ITGA9: variants seen among roughly 807,000 people sequenced by gnomAD.
The protein encoded by ITGA9 is integrin subunit alpha 9.
ITGA9 carries 56 observed loss-of-function variants against 127.8 expected under a neutral mutation model. That is an observed-to-expected ratio of 0.44 (90% confidence interval 0.35 to 0.55). The LOEUF (loss-of-function observed/expected upper bound fraction) is 0.55, where lower values mean the gene tolerates loss of function less well. Among genes scored for constraint, ITGA9 ranks in the 20% least tolerant of loss-of-function variants. ITGA9 has a pLI of 0.00. For synonymous variants in ITGA9, 508 were observed against 514.5 expected (o/e 0.99, Z 0.17); for missense variants, 1,196 against 1,347.1 (o/e 0.89, Z 1.76).
intron 18 of ITGA9, among the ~76,000 whole-genome samples, chr3:37,728,430 C>T (rs1007572856): frequency 6.6e-6 from 1 of 151,982 alleles, no homozygotes; most frequent in Non-Finnish European, 1.5e-5. Context: ...AAAGAATTAC[C>T]TTGTGGGTAT....
chr3:37,777,059 G>A (rs1043269529), intron 23 of ITGA9, among the ~76,000 whole-genome samples: 1 of 152,200 alleles, frequency 6.6e-6, no homozygotes, highest in Non-Finnish European at 1.5e-5. Context: ...AGAATTGCTT[G>A]TAAGGATGTT....
Position 37,690,986 on chromosome 3 carries a change from G to A in ITGA9, c.2067+6971G>A, listed in dbSNP as rs541167897. Among the ~76,000 whole-genome samples, 3 of 152,288 alleles carry A rather than the reference G, an allele frequency of 2.0e-5. No homozygotes were observed. The East Asian group carries it at 5.8e-4, about 29-fold the overall frequency. Reference sequence around the variant, plus strand: ...AACACTAGGAAGAGTAAGGGAGCTGGGGGTTTTATACTCCTTTCCCCAAGT... The same window carrying A: ...AACACTAGGAAGAGTAAGGGAGCTGAGGGTTTTATACTCCTTTCCCCAAGT... On this transcript the variant is annotated intron_variant, in intron 18 of 27. Coordinates refer to ENST00000264741, the MANE Select transcript of ITGA9 (RefSeq NM_002207.3).
At chr3:37,732,505 G>A (rs1196653902) in intron 18 of ITGA9, among the ~76,000 whole-genome samples, 4 of 152,210 alleles carry the variant, frequency 2.6e-5, no homozygotes, top group Admixed American at 2.6e-4. Flanking sequence ...ATGAAGAGTG[G>A]TTTTGTCCTC....
intron 15 of ITGA9, among the ~76,000 whole-genome samples, chr3:37,599,432 A>T (rs1699897312): frequency 6.6e-6 from 1 of 152,192 alleles, no homozygotes; most frequent in African/African-American, 2.4e-5. Flanking sequence ...TTACATGGTT[A>T]GGAGGTTCTA....
intron 23 of ITGA9, among the ~76,000 whole-genome samples, chr3:37,751,280 C>A (rs1696582630): frequency 6.6e-6 from 1 of 152,212 alleles, no homozygotes; most frequent in Non-Finnish European, 1.5e-5. Context: ...TGTCTTTGGG[C>A]TCTGCTGACC....
At chr3:37,654,592 A>G (rs962119180) in intron 17 of ITGA9, among the ~76,000 whole-genome samples, 9 of 152,116 alleles carry the variant, frequency 5.9e-5, no homozygotes, top group African/African-American at 2.2e-4. Context: ...TTTGGTAGTT[A>G]TTTTTCAAAA....
chr3:37,663,967 A>T (rs1203984356), intron 17 of ITGA9, among the ~76,000 whole-genome samples: 1 of 152,242 alleles, frequency 6.6e-6, no homozygotes, highest in Non-Finnish European at 1.5e-5. Flanking sequence ...GAAAACTAGC[A>T]TTATTATTTC....
intron 15 of ITGA9, among the ~76,000 whole-genome samples, chr3:37,547,547 A>C (rs267534): frequency 0.47 from 71,457 of 151,464 alleles, 17,334 homozygotes; most frequent in East Asian, 0.73. Flanking sequence ...GGTGATCAAA[A>C]CTTTTTTTTT....
chr3:37,626,183 A>G (rs889148704), intron 15 of ITGA9, among the ~76,000 whole-genome samples: 1 of 152,114 alleles, frequency 6.6e-6, no homozygotes, highest in Non-Finnish European at 1.5e-5. Flanking sequence ...CCCTCACCCT[A>G]TATGCTGTTA....
intron 27 of ITGA9, among the ~76,000 whole-genome samples, chr3:37,811,481 G>A (rs183040455): frequency 6.6e-6 from 1 of 152,272 alleles, no homozygotes; most frequent in East Asian, 1.9e-4. Context: ...AGATGATGGG[G>A]TGTTTCTCCT....
At chr3:37,551,679 A>G (rs1699379589) in intron 15 of ITGA9, among the ~76,000 whole-genome samples, 1 of 152,186 alleles carries the variant, frequency 6.6e-6, no homozygotes, top group Admixed American at 6.5e-5. Context: ...TGGGATCCAC[A>G]TGGCTCAAGG....
chr3:37,584,697 GTGAGCCAAGAC>G (rs1699741316), intron 15 of ITGA9, among the ~76,000 whole-genome samples: 1 of 152,128 alleles, frequency 6.6e-6, no homozygotes, highest in Admixed American at 6.5e-5. Context: ...GGAGGTTGCA[GTGAGCCAAGAC>G]TGCGCCACTG....
At chr3:37,747,424 A>G (rs1575218649) in intron 22 of ITGA9, among the ~76,000 whole-genome samples, 1 of 152,264 alleles carries the variant, frequency 6.6e-6, no homozygotes, top group East Asian at 1.9e-4. Context: ...AGTTACTTTA[A>G]AATGTACTAT....
At chr3:37,551,454 A>C (rs372988470) in intron 15 of ITGA9, among the ~76,000 whole-genome samples, 8 of 148,736 alleles carry the variant, frequency 5.4e-5, no homozygotes, top group African/African-American at 2.1e-4. Flanking sequence ...ATTAGTACAG[A>C]GTGAACTAGC....
intron 3 of ITGA9, among the ~76,000 whole-genome samples, chr3:37,475,328 G>A (rs1229001387): frequency 3.3e-5 from 5 of 152,212 alleles, no homozygotes; most frequent in African/African-American, 9.7e-5. Context: ...TAAGGGCATC[G>A]AGCCTAGAGT....
chr3:37,773,661 G>GA (rs1696870963), intron 23 of ITGA9, among the ~76,000 whole-genome samples: 1 of 152,080 alleles, frequency 6.6e-6, no homozygotes. Context: ...TGGGCAGTGG[G>GA]AATTGACTGG....
intron 5 of ITGA9, among the ~76,000 whole-genome samples, chr3:37,502,832 C>A (rs1223697570): frequency 1.3e-5 from 2 of 152,164 alleles, no homozygotes; most frequent in Non-Finnish European, 2.9e-5. Context: ...TCCCCAGAAT[C>A]TGTGGTTGAG....
intron 27 of ITGA9, among the ~76,000 whole-genome samples, chr3:37,813,089 C>A (rs921282520): frequency 6.6e-5 from 10 of 152,122 alleles, no homozygotes; most frequent in African/African-American, 2.4e-4. Context: ...TGGGTCCTGG[C>A]AGTAATGGAA....
chr3:37,479,569 C>T (rs73053299), intron 3 of ITGA9, among the ~76,000 whole-genome samples: 16,251 of 152,112 alleles, frequency 0.11, 1,046 homozygotes, highest in Middle Eastern at 0.16. Flanking sequence ...CCCAAGAGCC[C>T]CCTCACTCAC....
Sources: allele counts gnomAD v4.1 joint callset (sites outside exome capture counted in the v4.1 genomes callset), GRCh38; gene constraint gnomAD v4.1.1; transcripts MANE v1.5; gene names NCBI Gene and HGNC (gene_info 2026-07-23, HGNC 2026-07-21).